MIPOL1: variants seen among roughly 807,000 people sequenced by gnomAD.
The protein encoded by MIPOL1 is mirror-image polydactyly 1, also known as mirror-image polydactyly gene 1 protein.
MIPOL1 carries 57 observed loss-of-function variants against 60.9 expected under a neutral mutation model. That is an observed-to-expected ratio of 0.94 (90% confidence interval 0.76 to 1.17). The LOEUF (loss-of-function observed/expected upper bound fraction) is 1.17, where lower values mean the gene tolerates loss of function less well. Among genes scored for constraint, MIPOL1 ranks in the 50% most tolerant of loss-of-function variants. MIPOL1 has a pLI of 0.00. For synonymous variants in MIPOL1, 179 were observed against 168.8 expected (o/e 1.06, Z -0.47); for missense variants, 551 against 511.6 (o/e 1.08, Z -0.74).
chr14:37,381,942 T>C (rs1342340877), intron 10 of MIPOL1, among the ~76,000 whole-genome samples: 3 of 151,904 alleles, frequency 2.0e-5, no homozygotes, highest in Non-Finnish European at 4.4e-5. Flanking sequence ...GTAGACTTTG[T>C]GTTTGGAAGG....
chr14:37,299,839 A>C (rs1042061457), intron 7 of MIPOL1, among the ~76,000 whole-genome samples: 3 of 151,996 alleles, frequency 2.0e-5, no homozygotes, highest in African/African-American at 7.2e-5. Flanking sequence ...GATCCTATGC[A>C]GGATTGGATT....
At chr14:37,459,065 A>C (rs1365827574) in intron 11 of MIPOL1, among the ~76,000 whole-genome samples, 1 of 152,060 alleles carries the variant, frequency 6.6e-6, no homozygotes, top group Admixed American at 6.5e-5. Context: ...AAAGATAAAA[A>C]GGTCTTGAAT....
intron 11 of MIPOL1, among the ~76,000 whole-genome samples, chr14:37,434,950 T>C (rs1008450113): frequency 6.6e-6 from 1 of 151,996 alleles, no homozygotes; most frequent in African/African-American, 2.4e-5. Flanking sequence ...CACATAAAAT[T>C]AACCATCACA....
chr14:37,484,190 C>T (rs2094914388), intron 11 of MIPOL1, among the ~76,000 whole-genome samples: 1 of 152,020 alleles, frequency 6.6e-6, no homozygotes, highest in South Asian at 2.1e-4. Flanking sequence ...TGGGTTTTCC[C>T]CATTTGGAGT....
intron 9 of MIPOL1, among the ~76,000 whole-genome samples, chr14:37,345,705 G>A (rs1291283015): frequency 6.6e-6 from 1 of 152,048 alleles, no homozygotes; most frequent in Non-Finnish European, 1.5e-5. Flanking sequence ...CAGGTGCTAG[G>A]GGTCCTCATT....
chr14:37,264,692 A>G (rs369726187), intron 3 of MIPOL1, among the ~76,000 whole-genome samples: 3 of 152,194 alleles, frequency 2.0e-5, no homozygotes, highest in South Asian at 2.1e-4. Flanking sequence ...TAAAATGTTA[A>G]TATTTGGGGA....
intron 12 of MIPOL1, among the ~76,000 whole-genome samples, chr14:37,544,508 G>A (rs2095540632): frequency 6.6e-6 from 1 of 152,192 alleles, no homozygotes; most frequent in Admixed American, 6.5e-5. Context: ...GCCTATTTTA[G>A]TGAGCTACAT....
intron 9 of MIPOL1, among the ~76,000 whole-genome samples, chr14:37,358,201 G>A (rs528605990): frequency 2.0e-5 from 3 of 152,178 alleles, no homozygotes; most frequent in African/African-American, 7.2e-5. Flanking sequence ...AGTATTCCAT[G>A]GTGTATATGT....
At chr14:37,203,220 G>C (rs556075631) in intron 1 of MIPOL1, among the ~76,000 whole-genome samples, 41 of 152,294 alleles carry the variant, frequency 2.7e-4, no homozygotes, top group African/African-American at 9.4e-4. Flanking sequence ...GTTTACTATA[G>C]TGGAAAGAGC....
At chr14:37,541,752 T>C (rs575262941) in intron 12 of MIPOL1, among the ~76,000 whole-genome samples, 60 of 152,336 alleles carry the variant, frequency 3.9e-4, no homozygotes, top group African/African-American at 1.4e-3. Context: ...TCCACAGATA[T>C]ATTCTTTCTA....
chr14:37,401,762 A>G (rs1371789922), intron 10 of MIPOL1: 2 of 152,170 alleles, frequency 1.3e-5, no homozygotes, highest in Non-Finnish European at 2.9e-5. Flanking sequence ...AAAACATTGT[A>G]TAAGAATCAG....
chr14:37,462,123 G>T (rs544084204), intron 11 of MIPOL1, among the ~76,000 whole-genome samples: 1 of 152,194 alleles, frequency 6.6e-6, no homozygotes, highest in Admixed American at 6.5e-5. Flanking sequence ...GGGCATCCAG[G>T]CATTTCCATA....
At chr14:37,362,917 G>T (rs1003249124) in intron 9 of MIPOL1, among the ~76,000 whole-genome samples, 1 of 152,104 alleles carries the variant, frequency 6.6e-6, no homozygotes, top group African/African-American at 2.4e-5. Context: ...TGAAGCTTGT[G>T]CATGTGTCAC....
chr14:37,540,964 C>T (rs1460916089), intron 12 of MIPOL1, among the ~76,000 whole-genome samples: 1 of 152,126 alleles, frequency 6.6e-6, no homozygotes, highest in Non-Finnish European at 1.5e-5. Flanking sequence ...CTGATCAATG[C>T]CATTTATTTA....
At chr14:37,200,253 A>G (rs1965015771) in intron 1 of MIPOL1, among the ~76,000 whole-genome samples, 1 of 152,232 alleles carries the variant, frequency 6.6e-6, no homozygotes, top group Admixed American at 6.5e-5. Flanking sequence ...TCTGTTACAC[A>G]TTCTTTTCTG....
chr14:37,236,526 T>G (rs2153332331), intron 1 of MIPOL1, among the ~76,000 whole-genome samples: 1 of 151,982 alleles, frequency 6.6e-6, no homozygotes, highest in Non-Finnish European at 1.5e-5. Context: ...AGCCTCTGCC[T>G]CCCGGGTTCA....
chr14:37,542,777 C>G (rs2095534478), intron 12 of MIPOL1, among the ~76,000 whole-genome samples: 1 of 152,194 alleles, frequency 6.6e-6, no homozygotes, highest in Non-Finnish European at 1.5e-5. Context: ...CTTACTGCTT[C>G]TTATGAGTAA....
intron 11 of MIPOL1, among the ~76,000 whole-genome samples, chr14:37,491,303 T>C (rs1250089971): frequency 6.6e-6 from 1 of 152,156 alleles, no homozygotes; most frequent in Non-Finnish European, 1.5e-5. Flanking sequence ...CCGAGGTAAG[T>C]GGATCACTTG....
chr14:37,445,888 G>A (rs1013077096), intron 11 of MIPOL1, among the ~76,000 whole-genome samples: 4 of 152,034 alleles, frequency 2.6e-5, no homozygotes, highest in African/African-American at 9.7e-5. Flanking sequence ...AGCTGAAACT[G>A]GATCCCTTCC....
Sources: allele counts gnomAD v4.1 joint callset (sites outside exome capture counted in the v4.1 genomes callset), GRCh38; gene constraint gnomAD v4.1.1; transcripts MANE v1.5; gene names NCBI Gene and HGNC (gene_info 2026-07-23, HGNC 2026-07-21).